Variants in AK9 observed in about 807,000 individuals in gnomAD.
The protein encoded by AK9 is adenylate kinase 9.
In AK9, 191 loss-of-function variants were observed where a neutral mutation model predicts 239.6. The observed-to-expected ratio is 0.80, with a 90% CI of 0.71 to 0.90. The LOEUF is 0.90. AK9 is among the 40% of genes least tolerant of loss of function. The pLI is 0.00. For missense variants in AK9, 1,995 were observed against 2,214.7 expected, an observed-to-expected ratio of 0.90 and a Z score of 1.99; for synonymous variants, 689 against 721.0, an observed-to-expected ratio of 0.96 and a Z score of 0.71.
intron 17 of AK9, among the ~76,000 whole-genome samples, chr6:109,604,006 C>G (rs1166516420): frequency 1.3e-5 from 2 of 152,170 alleles, no homozygotes; most frequent in African/African-American, 2.4e-5. Flanking sequence ...AATTCCCTGA[C>G]CCCTTTTGCT....
rs142859775 is a variant in AK9 at position 109,514,831 on chromosome 6, C to T, written c.4066-394G>A. 2.8e-3 allele frequency among the ~76,000 whole-genome samples: 421 copies of T among 152,300 alleles called. 1 individual carries two copies. Among genetic ancestry groups the T allele is most frequent in the African/African-American group, 9.7e-3 (402 of 41,564 alleles). On this transcript the variant is annotated intron_variant, in intron 31 of 40. Coordinates refer to ENST00000424296, the MANE Select transcript of AK9 (RefSeq NM_001145128.3). ...TTGAATTGTTTCTCCCTTACCTCCT[C>T]AATTTCTGTTTGAGGCCCTAGCACC...
intron 8 of AK9, among the ~76,000 whole-genome samples, chr6:109,651,095 T>G (rs1798872027): frequency 7.4e-5 from 11 of 149,024 alleles, no homozygotes; most frequent in East Asian, 6.0e-4. Context: ...GTGGGGGTAG[T>G]GGGGAGGGAT....
chr6:109,690,228 T>C (rs1246140270), intron 1 of AK9, among the ~76,000 whole-genome samples: 1 of 152,200 alleles, frequency 6.6e-6, no homozygotes, highest in African/African-American at 2.4e-5. Context: ...CCGCCTAAGA[T>C]AGGATAGCTG....
chr6:109,672,774 T>G (rs1416632860), intron 3 of AK9, among the ~76,000 whole-genome samples: 1 of 152,216 alleles, frequency 6.6e-6, no homozygotes, highest in South Asian at 2.1e-4. Flanking sequence ...ATGTACTGTG[T>G]AGTGTACAAT....
At chr6:109,584,424 T>C (rs1583115494) in intron 19 of AK9, among the ~76,000 whole-genome samples, 1 of 152,128 alleles carries the variant, frequency 6.6e-6, no homozygotes, top group African/African-American at 2.4e-5. Flanking sequence ...CTTTATTACT[T>C]TGAATAGTAG....
In AK9 at chr6:109,582,205, C is replaced by T. The variant is rs533023141; in HGVS notation, c.2115-2579G>A. Among the ~76,000 whole-genome samples the T allele has an allele frequency of 5.3e-5, 8 of 152,266 alleles. No individual in the cohort carries two copies. In the East Asian group the frequency reaches 5.8e-4, roughly 11 times the overall value. ...ATGCCTGCTAATGCAACATCCATAACGCAGCCCATGGATCAAAGAGTAATT... is the reference window on the plus strand; with the variant it reads ...ATGCCTGCTAATGCAACATCCATAATGCAGCCCATGGATCAAAGAGTAATT... On this transcript the variant is annotated intron_variant, in intron 19 of 40. Transcript: ENST00000424296.
intron 21 of AK9, among the ~76,000 whole-genome samples, chr6:109,566,833 G>A (rs1372674885): frequency 6.6e-6 from 1 of 151,964 alleles, no homozygotes; most frequent in Non-Finnish European, 1.5e-5. Flanking sequence ...ATGACTACTG[G>A]GTACATAACG....
At chr6:109,528,779 A>G (rs2128130223) in intron 29 of AK9, 2 of 623,952 alleles carry the variant, frequency 3.2e-6, no homozygotes, top group South Asian at 3.0e-5. Flanking sequence ...GATGGAAATC[A>G]GGTTACAAGA....
At chr6:109,588,203 T>C (rs2128215628) in intron 17 of AK9, among the ~76,000 whole-genome samples, 1 of 152,252 alleles carries the variant, frequency 6.6e-6, no homozygotes, top group Admixed American at 6.5e-5. Flanking sequence ...CCCGTGTAGC[T>C]GGGACTACAG....
chr6:109,597,693 G>T (rs1358146982), intron 17 of AK9, among the ~76,000 whole-genome samples: 1 of 151,314 alleles, frequency 6.6e-6, no homozygotes, highest in Non-Finnish European at 1.5e-5. Flanking sequence ...TTTTTTTATT[G>T]CAACCTCAAT....
chr6:109,686,216 A>G (rs1168420461), intron 1 of AK9, among the ~76,000 whole-genome samples: 1 of 152,238 alleles, frequency 6.6e-6, no homozygotes, highest in Non-Finnish European at 1.5e-5. Flanking sequence ...GTGAGCAGGA[A>G]GTTGCAAGTG....
intron 24 of AK9, among the ~76,000 whole-genome samples, chr6:109,556,458 AT>A (rs1785021856): frequency 6.6e-6 from 1 of 152,002 alleles, no homozygotes; most frequent in Non-Finnish European, 1.5e-5. Context: ...CTTCATTTCA[AT>A]CTTGGAGAAT....
chr6:109,644,588 G>C, intron 9 of AK9, 26 bp downstream of exon 9: 3 of 1,567,716 alleles, frequency 1.9e-6, no homozygotes, highest in Non-Finnish European at 2.6e-6. Flanking sequence ...ATGCTGTGAA[G>C]TATTCCTGCT....
intron 1 of AK9, among the ~76,000 whole-genome samples, chr6:109,683,622 C>T (rs1223237958): frequency 6.6e-6 from 1 of 152,080 alleles, no homozygotes; most frequent in Non-Finnish European, 1.5e-5. Context: ...AACAGAGGGC[C>T]AAATTATGAG....
At chr6:109,657,700 TC>T (rs1799893836) in intron 7 of AK9, among the ~76,000 whole-genome samples, 2 of 151,982 alleles carry the variant, frequency 1.3e-5, no homozygotes, top group South Asian at 4.1e-4. Context: ...CCCTCCTGCC[TC>T]CCCCTACCCC....
chr6:109,519,960 G>C (rs576135799), intron 29 of AK9, among the ~76,000 whole-genome samples: 31 of 152,188 alleles, frequency 2.0e-4, no homozygotes, highest in Admixed American at 1.0e-3. Context: ...TTTGGTTTTT[G>C]CTTGTTCAAT....
chr6:109,600,067 A>C lies in AK9; in HGVS notation c.1842+10298T>G, dbSNP rs1436665359. Among the ~76,000 whole-genome samples the C allele has an allele frequency of 3.9e-5, 6 of 152,234 alleles. No homozygotes were observed. The South Asian group carries it at 8.3e-4, about 21-fold the overall frequency. On this transcript the variant is annotated intron_variant, in intron 17 of 40. Transcript: ENST00000424296. ...CTCTTTTCCTAATTGAATACCCTTT[A>C]TTTCTTTCTCCTGCCTGATTGCCTT...
chr6:109,541,275 A>G (rs563703946), intron 27 of AK9, among the ~76,000 whole-genome samples: 1 of 152,310 alleles, frequency 6.6e-6, no homozygotes, highest in African/African-American at 2.4e-5. Context: ...CCATAATCCC[A>G]TATCTCAGAG....
chr6:109,568,961 C>G (rs997563152), intron 21 of AK9, among the ~76,000 whole-genome samples: 24 of 152,064 alleles, frequency 1.6e-4, no homozygotes, highest in African/African-American at 5.6e-4. Context: ...AAAAAGAGCC[C>G]GTATTGCCAA....
Sources: allele counts gnomAD v4.1 joint callset (sites outside exome capture counted in the v4.1 genomes callset), GRCh38; gene constraint gnomAD v4.1.1; transcripts MANE v1.5; gene names NCBI Gene and HGNC (gene_info 2026-07-23, HGNC 2026-07-21).